The following SEC63 variants were observed in gnomAD, a reference collection of about 807,000 sequenced individuals.
SEC63 encodes translocation protein SEC63 homolog.
A neutral mutation model predicts 116.2 loss-of-function variants in SEC63; 56 were observed. That is an observed-to-expected ratio of 0.48 (90% CI 0.39 to 0.60). The LOEUF is 0.60. Among genes scored for constraint, SEC63 ranks in the 20% least tolerant of loss-of-function variants. The pLI, the probability that SEC63 is intolerant of heterozygous loss-of-function variation, is 0.00. For synonymous variants in SEC63, 273 were observed against 294.6 expected (o/e 0.93, Z 0.75); for missense variants, 668 against 900.0 (o/e 0.74, Z 3.30).
In SEC63 at chr6:107,870,116, C is replaced by A. The variant is rs1345331084; in HGVS notation, c.*1588G>T. ...AAGACACTGGTGCTTCACAGCAGAA[C>A]CTGATTTGAAAATTAAACCCACCCT... On this transcript the variant is annotated 3_prime_UTR_variant, in exon 21 of 21. Coordinates refer to ENST00000369002, the MANE Select transcript of SEC63 (RefSeq NM_007214.5). 1.3e-5 allele frequency: 2 copies of A among 152,264 alleles called. No homozygotes were observed. Among genetic ancestry groups the A allele is most frequent in the African/African-American group, 2.4e-5 (1 of 41,344 alleles). The allele number at this position is 152,264 out of a possible 1,614,324, so 9.4% of individuals were successfully genotyped here.
intron 4 of SEC63, among the ~76,000 whole-genome samples, chr6:107,919,801 G>A (rs1375775030): frequency 4.0e-5 from 6 of 150,282 alleles, no homozygotes; most frequent in Non-Finnish European, 7.4e-5. Flanking sequence ...CAGCCTGGGC[G>A]ACAGAGCAAG....
intron 1 of SEC63, among the ~76,000 whole-genome samples, chr6:107,934,573 G>A (rs13196404): frequency 3.6e-5 from 5 of 138,244 alleles, no homozygotes; most frequent in Admixed American, 7.1e-5. Context: ...ACCCCGTCTG[G>A]GAAGTGAGGA....
At chr6:107,910,649 A>G (rs645068) in intron 7 of SEC63, among the ~76,000 whole-genome samples, 13,927 of 152,170 alleles carry the variant, frequency 0.092, 2,109 homozygotes, top group African/African-American at 0.31. Context: ...CACATGTCAT[A>G]CATTTATACA....
At chr6:107,939,515 G>A (rs1244220078) in intron 1 of SEC63, among the ~76,000 whole-genome samples, 1 of 152,292 alleles carries the variant, frequency 6.6e-6, no homozygotes, top group African/African-American at 2.4e-5. Context: ...ACTTTGGGAG[G>A]CCGAGGCAGA....
intron 1 of SEC63, among the ~76,000 whole-genome samples, chr6:107,940,141 A>C (rs1007222713): frequency 6.6e-5 from 10 of 152,230 alleles, no homozygotes; most frequent in African/African-American, 2.4e-4. Context: ...CTGGCAATGG[A>C]GGAGGGAACC....
At chr6:107,876,483 T>C (rs1786268986) in intron 19 of SEC63, 81 bp downstream of exon 19, 5 of 892,934 alleles carry the variant, frequency 5.6e-6, no homozygotes, top group East Asian at 2.4e-5. Context: ...GATAAACTTT[T>C]TAAAAAAAAG....
intron 3 of SEC63, among the ~76,000 whole-genome samples, chr6:107,923,319 G>A (rs933433483): frequency 2.6e-5 from 4 of 152,046 alleles, no homozygotes; most frequent in Non-Finnish European, 5.9e-5. Flanking sequence ...TCCCTATGTT[G>A]CCCAGGCTGG....
At chr6:107,924,665 T>G (rs1238801333) in intron 3 of SEC63, among the ~76,000 whole-genome samples, 153 bp downstream of exon 3, 1 of 57,310 alleles carries the variant, frequency 1.7e-5, no homozygotes, top group Admixed American at 2.3e-4. Flanking sequence ...ATAGCTTAAA[T>G]TATAATAACA....
chr6:107,900,525 G>A (rs1357650375), intron 13 of SEC63, among the ~76,000 whole-genome samples: 2 of 152,044 alleles, frequency 1.3e-5, no homozygotes, highest in Non-Finnish European at 2.9e-5. Flanking sequence ...GTGTGCACCT[G>A]TAGTCCCAGC....
chr6:107,943,674 G>A (rs1770422598), intron 1 of SEC63, among the ~76,000 whole-genome samples: 1 of 152,192 alleles, frequency 6.6e-6, no homozygotes, highest in Admixed American at 6.6e-5. Flanking sequence ...AGAGATGAGG[G>A]AAGAGGTAAT....
chr6:107,923,405 C>T (rs1012889980), intron 3 of SEC63, among the ~76,000 whole-genome samples: 14 of 152,138 alleles, frequency 9.2e-5, no homozygotes, highest in African/African-American at 2.9e-4. Context: ...CGAGCCACTG[C>T]GGCTGGCCAA....
intron 19 of SEC63, among the ~76,000 whole-genome samples, chr6:107,875,361 T>G (rs1439373415): frequency 1.3e-5 from 2 of 152,196 alleles, no homozygotes; most frequent in African/African-American, 4.8e-5. Context: ...GGAGGTTTCA[T>G]GATACCATGC....
chr6:107,868,823 C>G lies in SEC63; in HGVS notation c.*2881G>C, dbSNP rs1786058934. ...CAGTATCCAGTCACAGAGCCTGGCACATAGAAACTCAGTAAATATGTGATG... is the reference window on the plus strand; with the variant it reads ...CAGTATCCAGTCACAGAGCCTGGCAGATAGAAACTCAGTAAATATGTGATG... On this transcript the variant is annotated 3_prime_UTR_variant, in exon 21 of 21. Transcript: ENST00000369002. 6.6e-6 allele frequency: 1 copy of G among 152,126 alleles called. No individual in the cohort carries two copies. Among genetic ancestry groups the G allele is most frequent in the African/African-American group, 2.4e-5 (1 of 41,418 alleles). The allele number at this position is 152,126 out of a possible 1,614,324, so 9.4% of individuals were successfully genotyped here.
chr6:107,908,717 AAT>A (rs1283767524), intron 8 of SEC63, among the ~76,000 whole-genome samples: 1 of 152,220 alleles, frequency 6.6e-6, no homozygotes, highest in African/African-American at 2.4e-5. Flanking sequence ...TTTCTGATGA[AAT>A]ATATGAGTAA....
In SEC63 at chr6:107,883,326, A is replaced by T. The variant is rs1786454988; in HGVS notation, c.1675-180T>A. The T allele has an allele frequency of 7.7e-6, 5 of 651,932 alleles. No individual in the cohort carries two copies. In the South Asian group the frequency reaches 1.0e-4, roughly 13 times the overall value. The allele number at this position is 651,932 out of a possible 1,614,324, so 40.4% of individuals were successfully genotyped here. A position where few individuals can be genotyped will look rare whatever the true frequency, so the allele number is the denominator to read the frequency against. On this transcript the variant is annotated intron_variant, in intron 16 of 20. Transcript: ENST00000369002. Reference sequence around the variant, plus strand: ...CTTATAAAGATGTGGGAGTCAGACTAAAGAGTTTAATATCTGGCTAGTCTG... The same window carrying T: ...CTTATAAAGATGTGGGAGTCAGACTTAAGAGTTTAATATCTGGCTAGTCTG...
chr6:107,895,206 T>C (rs1013888521), intron 14 of SEC63, among the ~76,000 whole-genome samples: 7 of 152,202 alleles, frequency 4.6e-5, no homozygotes, highest in Non-Finnish European at 1.0e-4. Flanking sequence ...ATGTCAATAG[T>C]TCAAGACCAA....
intron 1 of SEC63, chr6:107,930,079 A>G (rs1787763544): frequency 6.5e-6 from 1 of 154,854 alleles, no homozygotes; most frequent in South Asian, 2.0e-4. Context: ...CACATACACT[A>G]AAACCGGAGC....
chr6:107,871,963 G>A, intron 20 of SEC63, 116 bp from the exon 21 acceptor site: 1 of 999,200 alleles, frequency 1.0e-6, no homozygotes, highest in East Asian at 2.6e-5. Context: ...AGTTTTTTAT[G>A]GACACAATTC....
At chr6:107,887,767 G>A (rs1000271941) in intron 16 of SEC63, among the ~76,000 whole-genome samples, 1 of 152,042 alleles carries the variant, frequency 6.6e-6, no homozygotes, top group African/African-American at 2.4e-5. Flanking sequence ...AAATTTTTTT[G>A]TATAAGATGT....
Sources: gnomAD v4.1 joint callset for allele counts (sites outside exome capture counted in the v4.1 genomes callset) on GRCh38, gnomAD v4.1.1 for gene constraint, MANE v1.5 for transcripts, NCBI Gene and HGNC (gene_info 2026-07-23, HGNC 2026-07-21) for gene names.